ZNF486: variants seen among roughly 807,000 people sequenced by gnomAD.
ZNF486 encodes the protein KRAB box only protein 2.
A neutral mutation model predicts 12.8 loss-of-function variants in ZNF486; 12 were observed. That is an observed-to-expected ratio of 0.94 (90% CI 0.60 to 1.52). The LOEUF (loss-of-function observed/expected upper bound fraction) is 1.52. Among genes scored for constraint, ZNF486 ranks in the 40% most tolerant of loss-of-function variants. The pLI is 0.00. For missense variants in ZNF486, 738 were observed against 545.0 expected (o/e 1.35, Z -3.53); for synonymous variants, 231 against 184.9 (o/e 1.25, Z -2.02).
intron 3 of ZNF486, among the ~76,000 whole-genome samples, chr19:20,186,784 G>GTTTTTTTTTT (rs57907168): frequency 0.095 from 11,479 of 120,940 alleles, 846 homozygotes; most frequent in East Asian, 0.25. Context: ...ATTTTCATAG[G>GTTTTTTTTTT]TTTTTTTTTT....
chr19:20,169,926 C>T (rs377117119), intron 1 of ZNF486, among the ~76,000 whole-genome samples: 5 of 145,394 alleles, frequency 3.4e-5, no homozygotes, highest in East Asian at 2.0e-4. Context: ...AGTCTCACTC[C>T]GTCGCCCAGG....
In ZNF486 at chr19:20,167,330, G is replaced by T. The variant is rs2089594507; in HGVS notation, c.-1G>T. On this transcript the variant is annotated 5_prime_UTR_variant, in exon 1 of 4. Transcript: ENST00000335117. Reference sequence around the variant, plus strand: ...TAGGTATTGGGAGATCCACAGCCAAGATGCCGGGACCCCTTAGAAGCCTAG... The same window carrying T: ...TAGGTATTGGGAGATCCACAGCCAATATGCCGGGACCCCTTAGAAGCCTAG... The T allele has an allele frequency of 6.2e-7, 1 of 1,614,094 alleles. No homozygotes were observed. The highest frequency in any genetic ancestry group is 1.3e-5 in the African/African-American group (1 of 75,044).
chr19:20,184,743 G>T (rs59729005), intron 2 of ZNF486, among the ~76,000 whole-genome samples: 4 of 151,950 alleles, frequency 2.6e-5, no homozygotes, highest in Admixed American at 1.3e-4. Flanking sequence ...GCATAAAATA[G>T]TGTTGCCCTC....
chr19:20,186,949 A>T (rs2089854253), intron 3 of ZNF486, among the ~76,000 whole-genome samples: 1 of 151,024 alleles, frequency 6.6e-6, no homozygotes, highest in Non-Finnish European at 1.5e-5. Context: ...TGCCTGGCTA[A>T]TTTTTTTTGT....
chr19:20,172,594 C>T (rs1272222809), intron 1 of ZNF486, among the ~76,000 whole-genome samples: 5 of 151,858 alleles, frequency 3.3e-5, no homozygotes, highest in South Asian at 2.1e-4. Flanking sequence ...CCACCATGCC[C>T]GGCCTGCCTA....
chr19:20,170,986 A>G (rs1234209860), intron 1 of ZNF486, among the ~76,000 whole-genome samples: 1 of 152,210 alleles, frequency 6.6e-6, no homozygotes, highest in East Asian at 1.9e-4. Context: ...CATTAGTTCA[A>G]AAGAATAGAT....
intron 1 of ZNF486, among the ~76,000 whole-genome samples, chr19:20,170,578 A>G (rs2089638094): frequency 6.6e-6 from 1 of 151,408 alleles, no homozygotes; most frequent in African/African-American, 2.4e-5. Context: ...CATCACAAGA[A>G]AAAAAAAAGA....
rs781968448 is a variant in ZNF486 at position 20,197,094 on chromosome 19, T to C, written c.384T>C (p.Ser128=). Residue 128 remains serine (S), a synonymous_variant, in exon 4 of 4, where the codon AGT becomes AGC. Transcript: ENST00000335117. ...TACACTTTAAAAAAGGCTGTGAAAG[T>C]GTGGATGAGTGTAAGTTACACAAAA... ...GNLHFKKGCE[S]VDECKLHKRG... 6.2e-7 allele frequency: 1 copy of C among 1,613,076 alleles called. No individual in the cohort carries two copies. The highest frequency in any genetic ancestry group is 2.2e-5 in the East Asian group (1 of 44,844).
At chr19:20,184,119 T>C (rs2089815806) in intron 1 of ZNF486, among the ~76,000 whole-genome samples, 1 of 152,234 alleles carries the variant, frequency 6.6e-6, no homozygotes, top group South Asian at 2.1e-4. Flanking sequence ...TATTTTATAC[T>C]TTATTATCTA....
chr19:20,178,295 G>A (rs1316464213), intron 1 of ZNF486, among the ~76,000 whole-genome samples: 2 of 152,002 alleles, frequency 1.3e-5, no homozygotes, highest in African/African-American at 4.8e-5. Flanking sequence ...AGGCTGGAGT[G>A]TGCTGTGGTG....
chr19:20,194,024 T>C (rs1555717563), intron 3 of ZNF486, among the ~76,000 whole-genome samples: 1 of 152,118 alleles, frequency 6.6e-6, no homozygotes, highest in African/African-American at 2.4e-5. Context: ...TTGCTAATTA[T>C]ATTTTTTATG....
chr19:20,184,623 AT>A, intron 2 of ZNF486, 141 bp downstream of exon 2: 1 of 1,004,800 alleles, frequency 1.0e-6, no homozygotes, highest in Non-Finnish European at 1.4e-6. Flanking sequence ...GAATTTGTTT[AT>A]TTAGAAAAGA....
intron 3 of ZNF486, among the ~76,000 whole-genome samples, chr19:20,195,334 A>C (rs912750403): frequency 2.6e-5 from 4 of 152,064 alleles, no homozygotes; most frequent in African/African-American, 9.7e-5. Context: ...ATGCCCAGCT[A>C]ATTTTTGTAT....
intron 1 of ZNF486, among the ~76,000 whole-genome samples, chr19:20,169,455 G>A (rs1356738184): frequency 2.0e-5 from 3 of 152,080 alleles, no homozygotes; most frequent in African/African-American, 2.4e-5. Flanking sequence ...GGGGAGCCTC[G>A]CCTGCAGATG....
chr19:20,185,630 A>C (rs1186680479), intron 2 of ZNF486, among the ~76,000 whole-genome samples: 1 of 151,744 alleles, frequency 6.6e-6, no homozygotes, highest in Non-Finnish European at 1.5e-5. Flanking sequence ...GGCTGGTCTC[A>C]AACTCCTGAC....
intron 1 of ZNF486, among the ~76,000 whole-genome samples, chr19:20,170,176 C>CCCG (rs2089633952): frequency 6.6e-6 from 1 of 151,938 alleles, no homozygotes; most frequent in African/African-American, 2.4e-5. Flanking sequence ...GGATTACAGG[C>CCCG]GTGAGCCACC....
At chr19:20,172,311 C>CTT (rs34515323) in intron 1 of ZNF486, among the ~76,000 whole-genome samples, 7,905 of 148,284 alleles carry the variant, frequency 0.053, 745 homozygotes, top group African/African-American at 0.18. Context: ...CTTTTGCCTA[C>CTT]TTTTTTTTTT....
Position 20,200,389 on chromosome 19 carries a change from A to C in ZNF486, c.*2287A>C, listed in dbSNP as rs781792097. 2 of 152,194 alleles carry C rather than the reference A, an allele frequency of 1.3e-5. No individual in the cohort carries two copies. Among genetic ancestry groups the C allele is most frequent in the Non-Finnish European group, 2.9e-5 (2 of 68,044 alleles). The allele number at this position is 152,194 out of a possible 1,614,324, so 9.4% of individuals were successfully genotyped here. ...GGTCAGAGTAATACTTTTCTACATT[A>C]TAGTGCAAGAAATAATTATTGATAA... On this transcript the variant is annotated 3_prime_UTR_variant, in exon 4 of 4. Transcript: ENST00000335117.
chr19:20,195,882 T>A (rs1159928383), intron 3 of ZNF486, among the ~76,000 whole-genome samples: 5 of 152,262 alleles, frequency 3.3e-5, no homozygotes, highest in Non-Finnish European at 5.9e-5. Context: ...TTCCAATGTA[T>A]ATCACCATTT....
Sources: gnomAD v4.1 joint callset for allele counts (sites outside exome capture counted in the v4.1 genomes callset) on GRCh38, gnomAD v4.1.1 for gene constraint, MANE v1.5 for transcripts, NCBI Gene and HGNC (gene_info 2026-07-23, HGNC 2026-07-21) for gene names.